Variants in QARS1 observed in about 807,000 individuals in gnomAD.
The protein encoded by QARS1 is glutaminyl-tRNA synthetase 1.
A neutral mutation model predicts 106.9 loss-of-function variants in QARS1; 79 were observed. The observed-to-expected ratio is 0.74, with a 90% CI of 0.62 to 0.89. QARS1 has a LOEUF of 0.89. QARS1 is among the 40% of genes least tolerant of loss of function. The pLI is 0.00. For synonymous variants in QARS1, 395 were observed against 367.7 expected (o/e 1.07, Z -0.85); for missense variants, 966 against 997.2 (o/e 0.97, Z 0.42).
At position 49,096,798 on chromosome 3, in the gene QARS1, CAAAAAAAAAAAAAAA is replaced by C. The variant is rs770587253; in HGVS notation, c.2278-734_2278-720del. On this transcript the variant is annotated intron_variant, in intron 23 of 23. Transcript: ENST00000306125. ...CTGGGCGACATGTGAGACTCCGTCT[CAAAAAAAAAAAAAAA>C]AAAAAAAAAAAAAAAAAAAAAATTT... Among the ~76,000 whole-genome samples the C allele has an allele frequency of 4.2e-3, 60 of 14,154 alleles. 1 individual carries two copies. Among genetic ancestry groups the C allele is most frequent in the South Asian group, 0.014 (2 of 142 alleles). The allele number at this position is 14,154 out of a possible 152,430, so 9.3% of individuals were successfully genotyped here. A position where few individuals can be genotyped will look rare whatever the true frequency, so the allele number is the denominator to read the frequency against.
Position 49,101,422 on chromosome 3 carries a change from G to A in QARS1, c.809C>T (p.Pro270Leu), listed in dbSNP as rs768056251. The A allele has an allele frequency of 1.9e-6, 3 of 1,613,684 alleles. No individual in the cohort carries two copies. Among genetic ancestry groups the A allele is most frequent in the Non-Finnish European group, 2.5e-6 (3 of 1,179,746 alleles). ...TGGQVRTRFP[P>L]EPNGILHIGH... ...AATATGCAGGATTCCATTGGGTTCT[G>A]GCGGGAACCGGGTACGTACCTAAAA... Residue 270 changes from proline to leucine, a missense_variant, in exon 10 of 24, where the codon CCA (proline) becomes CTA (leucine). By Grantham distance (98) the Pro-to-Leu change is moderately conservative. Coordinates refer to ENST00000306125, the MANE Select transcript of QARS1 (RefSeq NM_005051.3).
Position 49,101,509 on chromosome 3 carries a change from T to A in QARS1, c.790-68A>T, listed in dbSNP as rs536525471. ...CAGATGACCTTAAAGAAACAGATGT[T>A]CCCTCCCAGGAAGGCCATGGTGATG... On this transcript the variant is annotated intron_variant, in intron 9 of 23. Coordinates refer to ENST00000306125, the MANE Select transcript of QARS1 (RefSeq NM_005051.3). 7 of 1,566,128 alleles carry A rather than the reference T, an allele frequency of 4.5e-6. No homozygotes were observed. The African/African-American group carries it at 8.1e-5, about 18-fold the overall frequency.
rs1559970922 is a variant in QARS1 at position 49,104,440 on chromosome 3, T to C, written c.149A>G (p.Lys50Arg). 6.2e-7 allele frequency: 1 copy of C among 1,614,038 alleles called. No homozygotes were observed. Among genetic ancestry groups the C allele is most frequent in the Non-Finnish European group, 8.5e-7 (1 of 1,180,000 alleles). ...GCCATATAACAGGATCCCGGTAGCT[T>C]TGTCAATGGTGGAACCCAGGGTCTG... ...AQQTLGSTID[K>R]ATGILLYGLA... Residue 50 changes from lysine (K) to arginine (R), a missense_variant, in exon 2 of 24, where the codon AAA (lysine) becomes AGA (arginine). Transcript: ENST00000306125.
chr3:49,104,544 G>C (rs1222794975), intron 1 of QARS1, 73 bp from the exon 2 acceptor site: 3 of 1,602,672 alleles, frequency 1.9e-6, no homozygotes, highest in African/African-American at 2.7e-5. Flanking sequence ...GGGGCAGGTC[G>C]GGATCTGGAC....
At position 49,103,783 on chromosome 3, in the gene QARS1, T is replaced by A. The variant is rs2042502084; in HGVS notation, c.376-77A>T. The A allele has an allele frequency of 1.1e-5, 18 of 1,595,086 alleles. 1 individual carries two copies. The Admixed American group carries it at 3.0e-4, about 27-fold the overall frequency. On this transcript the variant is annotated intron_variant, in intron 3 of 23. Transcript: ENST00000306125. ...TGGGAACCCACACCCTCACTCTGGGTCTTCCTGAGGAGGGAAACTGAGCCA... is the reference window on the plus strand; with the variant it reads ...TGGGAACCCACACCCTCACTCTGGGACTTCCTGAGGAGGGAAACTGAGCCA...
chr3:49,096,823 AAAAAAAAAAAAAT>A (rs2042399090), intron 23 of QARS1, among the ~76,000 whole-genome samples: 1 of 139,514 alleles, frequency 7.2e-6, no homozygotes, highest in African/African-American at 2.6e-5. Flanking sequence ...AAAAAAAAAA[AAAAAAAAAAAAAT>A]TTGCCGGGCG....
intron 23 of QARS1, among the ~76,000 whole-genome samples, 198 bp downstream of exon 23, chr3:49,097,794 C>CA (rs1052758742): frequency 1.0e-4 from 15 of 150,248 alleles, no homozygotes; most frequent in South Asian, 2.1e-4. Flanking sequence ...AAGACTGTCT[C>CA]AAAAAAAAAG....
Position 49,100,456 on chromosome 3 carries a change from A to G in QARS1, c.979T>C (p.Tyr327His), listed in dbSNP as rs1435075957. 3.1e-6 allele frequency: 5 copies of G among 1,614,194 alleles called. No individual in the cohort carries two copies. In the South Asian group the frequency reaches 5.5e-5, roughly 18 times the overall value. ...GCATATGTGACTTTGTAAGGTGTGT[A>G]GCCTGGGGCAAAATGAAACAAAGTA... ...AICDMVAWLG[Y>H]TPYKVTYASD... The change falls in exon 12 of 24, where the codon TAC (tyrosine) becomes CAC (histidine). Residue 327 changes from tyrosine to histidine, a missense_variant and splice_region_variant. Tyr to His is a moderately conservative substitution (Grantham distance 83, BLOSUM62 2). Coordinates refer to ENST00000306125, the MANE Select transcript of QARS1 (RefSeq NM_005051.3).
chr3:49,103,585 G>T (rs1225371079), intron 4 of QARS1, 46 bp downstream of exon 4: 3 of 1,595,822 alleles, frequency 1.9e-6, no homozygotes, highest in South Asian at 1.1e-5. Flanking sequence ...AGAAGAAAAG[G>T]CATGACCAGA....
In QARS1 at chr3:49,100,269, C is replaced by A. The variant is rs763512186; in HGVS notation, c.1085G>T (p.Gly362Val). 5.6e-6 allele frequency: 9 copies of A among 1,614,260 alleles called. No homozygotes were observed. The Admixed American group carries it at 1.0e-4, about 18-fold the overall frequency. ...RGLAYVCHQR[G>V]EELKGHNTLP... ...AGTATTATGGCCTTTGAGCTCCTCT[C>A]CTCGCTGGTGGCACACATAAGCCAG... Residue 362 changes from glycine (G) to valine (V), a missense_variant, in exon 13 of 24, where the codon GGA becomes GTA. By Grantham distance (109) the Gly-to-Val change is moderately radical. Coordinates refer to ENST00000306125, the MANE Select transcript of QARS1 (RefSeq NM_005051.3).
At position 49,099,513 on chromosome 3, in the gene QARS1, A is replaced by G; in HGVS notation, c.1523T>C (p.Val508Ala). ...TAAGCCAAACAGCCGCACCTACCGCACAGCACCAGTTGCTACAAGCTGGAG... is the reference window on the plus strand; with the variant it reads ...TAAGCCAAACAGCCGCACCTACCGCGCAGCACCAGTTGCTACAAGCTGGAG... ...KILQLVATGA[V>A]RDWDDPRLFT... The change falls in exon 16 of 24, where the codon GTG becomes GCG. Residue 508 changes from valine (V) to alanine (A), a missense_variant. Physicochemically the swap from Val to Ala is moderately conservative, Grantham distance 64 (BLOSUM62 0). Coordinates refer to ENST00000306125, the MANE Select transcript of QARS1 (RefSeq NM_005051.3). 6.2e-7 allele frequency: 1 copy of G among 1,614,198 alleles called. No homozygotes were observed. The highest frequency in any genetic ancestry group is 1.1e-5 in the South Asian group (1 of 91,088).
chr3:49,096,243 G>A (rs142864879), intron 23 of QARS1, among the ~76,000 whole-genome samples, 164 bp from the exon 24 acceptor site: 127 of 152,322 alleles, frequency 8.3e-4, no homozygotes, highest in East Asian at 2.7e-3. Context: ...GTGACTTTGG[G>A]TAAGGGACTG....
At position 49,099,514 on chromosome 3, in the gene QARS1, C is replaced by G; in HGVS notation, c.1522G>C (p.Val508Leu). 1 of 1,614,218 alleles carries G rather than the reference C, an allele frequency of 6.2e-7. No individual in the cohort carries two copies. The highest frequency in any genetic ancestry group is 2.2e-5 in the East Asian group (1 of 44,890). The change falls in exon 16 of 24, where the codon GTG becomes CTG. Residue 508 changes from valine (V) to leucine (L), a missense_variant. By Grantham distance (32) the Val-to-Leu change is conservative. Coordinates refer to ENST00000306125, the MANE Select transcript of QARS1 (RefSeq NM_005051.3). ...AAGCCAAACAGCCGCACCTACCGCA[C>G]AGCACCAGTTGCTACAAGCTGGAGG... is the stretch of plus-strand genomic sequence containing the variant. ...KILQLVATGA[V>L]RDWDDPRLFT...
intron 2 of QARS1, 57 bp from the exon 3 acceptor site, chr3:49,104,029 A>G (rs2042505892): frequency 1.4e-6 from 2 of 1,474,098 alleles, no homozygotes; most frequent in Admixed American, 1.8e-5. Flanking sequence ...GTGGACAGAC[A>G]GGGTCCTAAT....
At position 49,100,038 on chromosome 3, in the gene QARS1, C is replaced by T; in HGVS notation, c.1218G>A (p.Leu406=). 6.2e-7 allele frequency: 1 copy of T among 1,614,206 alleles called. No individual in the cohort carries two copies. ...GGTCCATCTTGCCATCCTCCATCAC[C>T]AGCTTCATCCGTAGTGTGGCCTCGC... ...SEGEATLRMK[L]VMEDGKMDPV... is the part of the protein sequence containing the mutation. The change falls in exon 14 of 24, where the codon CTG becomes CTA. Residue 406 remains leucine, a synonymous_variant. Coordinates refer to ENST00000306125, the MANE Select transcript of QARS1 (RefSeq NM_005051.3).
rs1468553612 is a variant in QARS1 at position 49,099,145 on chromosome 3, G to A, written c.1723C>T (p.Leu575=). ...APRAMAVLES[L]RVIITNFPAA... ...GGAAAGTTGGTGATGATGACCCGTA[G>A]TGACTCCAGCACAGCCATGGCTCGT... is the stretch of plus-strand genomic sequence containing the variant. The change falls in exon 18 of 24, where the codon CTA becomes TTA. Residue 575 remains leucine (L), a synonymous_variant. Coordinates refer to ENST00000306125, the MANE Select transcript of QARS1 (RefSeq NM_005051.3). 1.2e-6 allele frequency: 2 copies of A among 1,614,210 alleles called. No homozygotes were observed. The highest frequency in any genetic ancestry group is 1.7e-6 in the Non-Finnish European group (2 of 1,180,042).
At chr3:49,101,728 A>G (rs1474935359) in intron 8 of QARS1, 23 bp from the exon 9 acceptor site, 5 of 1,613,614 alleles carry the variant, frequency 3.1e-6, no homozygotes, top group Non-Finnish European at 4.2e-6. Flanking sequence ...GAATAAGCCT[A>G]AGGACCAGGC....
chr3:49,098,786 T>C (rs2042426466), intron 19 of QARS1, 94 bp from the exon 20 acceptor site: 1 of 1,503,256 alleles, frequency 6.7e-7, no homozygotes, highest in South Asian at 1.2e-5. Context: ...GATTGGTTCA[T>C]CTGAAGCAGG....
Position 49,100,436 on chromosome 3 carries a change from T to C in QARS1, c.999A>G (p.Thr333=). Reference sequence around the variant, plus strand: ...GCTGGTCAAAATAGTCAGACGCATATGTGACTTTGTAAGGTGTGTAGCCTG... The same window carrying C: ...GCTGGTCAAAATAGTCAGACGCATACGTGACTTTGTAAGGTGTGTAGCCTG... ...AWLGYTPYKV[T]YASDYFDQLY... Residue 333 remains threonine (T), a synonymous_variant, in exon 12 of 24, where the codon ACA becomes ACG. Transcript: ENST00000306125. 2 of 1,614,234 alleles carry C rather than the reference T, an allele frequency of 1.2e-6. No individual in the cohort carries two copies. The highest frequency in any genetic ancestry group is 1.7e-6 in the Non-Finnish European group (2 of 1,180,046).
Sources: gnomAD v4.1 joint callset for allele counts (sites outside exome capture counted in the v4.1 genomes callset) on GRCh38, gnomAD v4.1.1 for gene constraint, MANE v1.5 for transcripts, NCBI Gene and HGNC (gene_info 2026-07-23, HGNC 2026-07-21) for gene names.